Variants in TGM5 observed in about 807,000 individuals in gnomAD.
TGM5 encodes the protein transglutaminase 5, also known as protein-glutamine gamma-glutamyltransferase 5.
A neutral mutation model predicts 77.2 loss-of-function variants in TGM5; 69 were observed. The observed-to-expected ratio is 0.89, with a 90% CI of 0.74 to 1.09. TGM5 has a LOEUF of 1.09. Ranked by LOEUF, TGM5 falls within the 50% of genes least tolerant of loss-of-function variation. The pLI, the probability that TGM5 is intolerant of heterozygous loss-of-function variation, is 0.00. For missense variants in TGM5, 842 were observed against 896.5 expected, an observed-to-expected ratio of 0.94 and a Z score of 0.78; for synonymous variants, 346 against 351.8, an observed-to-expected ratio of 0.98 and a Z score of 0.18.
chr15:43,253,399 G>T, intron 5 of TGM5, 107 bp downstream of exon 5: 1 of 1,502,618 alleles, frequency 6.7e-7, no homozygotes, highest in Non-Finnish European at 9.1e-7. Flanking sequence ...CATCCAAGAT[G>T]GCTTTGCCAG....
intron 11 of TGM5, 93 bp downstream of exon 11, chr15:43,234,676 C>T: frequency 6.5e-7 from 1 of 1,533,296 alleles, no homozygotes; most frequent in Non-Finnish European, 9.0e-7. Flanking sequence ...GGATGCTCTC[C>T]TAAGCAGGCC....
At chr15:43,265,432 C>T (rs938919147) in intron 1 of TGM5, among the ~76,000 whole-genome samples, 3 of 152,340 alleles carry the variant, frequency 2.0e-5, no homozygotes, top group Admixed American at 6.5e-5. Flanking sequence ...GGGCACATGA[C>T]GCAGGCTACT....
At chr15:43,241,149 C>T in intron 6 of TGM5, 159 bp from the exon 7 acceptor site, 1 of 952,550 alleles carries the variant, frequency 1.0e-6, no homozygotes, top group Non-Finnish European at 1.6e-6. Context: ...TTCCAACTTC[C>T]TTCCCCACTT....
intron 1 of TGM5, among the ~76,000 whole-genome samples, chr15:43,266,379 G>A (rs1298235346): frequency 1.3e-5 from 2 of 152,184 alleles, no homozygotes; most frequent in East Asian, 3.8e-4. Context: ...ATCAGTAATA[G>A]ACCTTCTGAA....
intron 6 of TGM5, among the ~76,000 whole-genome samples, chr15:43,243,356 G>A (rs1300362839): frequency 6.6e-6 from 1 of 152,234 alleles, no homozygotes; most frequent in Non-Finnish European, 1.5e-5. Flanking sequence ...CTATCCTGAT[G>A]GTTGTGGGAT....
chr15:43,259,312 GA>G (rs901518074), intron 3 of TGM5, among the ~76,000 whole-genome samples: 88 of 141,318 alleles, frequency 6.2e-4, no homozygotes, highest in African/African-American at 1.6e-3. Flanking sequence ...AGAAGAAGAA[GA>G]AAAAAAAAAA....
chr15:43,256,165 T>C (rs940303107), intron 4 of TGM5, among the ~76,000 whole-genome samples: 1 of 152,174 alleles, frequency 6.6e-6, no homozygotes, highest in Non-Finnish European at 1.5e-5. Context: ...GAACTGATGC[T>C]AGGGGTCAGT....
intron 9 of TGM5, among the ~76,000 whole-genome samples, chr15:43,236,104 A>G (rs1298944406): frequency 6.6e-6 from 1 of 152,158 alleles, no homozygotes; most frequent in African/African-American, 2.4e-5. Flanking sequence ...AAAGAAAAGG[A>G]GGCTAATGGA....
At chr15:43,265,627 A>G (rs1477759655) in intron 1 of TGM5, among the ~76,000 whole-genome samples, 3 of 152,246 alleles carry the variant, frequency 2.0e-5, no homozygotes, top group Non-Finnish European at 4.4e-5. Context: ...TGAGAGGAGA[A>G]TGGGGTGAGA....
intron 1 of TGM5, among the ~76,000 whole-genome samples, chr15:43,262,209 C>T (rs1205086695): frequency 6.6e-6 from 1 of 152,226 alleles, no homozygotes. Context: ...GAGCTATACA[C>T]TTACCTGAAT....
chr15:43,263,362 T>C (rs1378458542), intron 1 of TGM5, among the ~76,000 whole-genome samples: 1 of 152,174 alleles, frequency 6.6e-6, no homozygotes, highest in Non-Finnish European at 1.5e-5. Flanking sequence ...CATATGGAAA[T>C]ACAAGGGATC....
At chr15:43,249,543 C>T (rs879398989) in intron 6 of TGM5, among the ~76,000 whole-genome samples, 4 of 152,170 alleles carry the variant, frequency 2.6e-5, no homozygotes, top group Non-Finnish European at 5.9e-5. Context: ...TCACAGCTGG[C>T]TTTTGGGGAG....
chr15:43,238,801 T>C lies in TGM5; in HGVS notation c.1345+16A>G, dbSNP rs1480511280. On this transcript the variant is annotated intron_variant, in intron 9 of 12. Coordinates refer to ENST00000220420, the MANE Select transcript of TGM5 (RefSeq NM_201631.4). ...GCAGGGCTGGGGCTCTGAGTAGGGC[T>C]GGCTTGCTTACTTACCTTCTTCATA... 5 of 1,613,640 alleles carry C rather than the reference T, an allele frequency of 3.1e-6. No individual in the cohort carries two copies. The highest frequency in any genetic ancestry group is 4.2e-6 in the Non-Finnish European group (5 of 1,179,850).
chr15:43,266,227 G>A (rs933216914), intron 1 of TGM5, among the ~76,000 whole-genome samples: 1 of 152,170 alleles, frequency 6.6e-6, no homozygotes, highest in Non-Finnish European at 1.5e-5. Flanking sequence ...ATAAATAAAG[G>A]TAAGGTTGTT....
intron 4 of TGM5, among the ~76,000 whole-genome samples, chr15:43,253,931 G>T (rs1044120491): frequency 2.0e-5 from 3 of 151,770 alleles, no homozygotes; most frequent in African/African-American, 7.3e-5. Context: ...GATTGAAAAG[G>T]CTCCTCCTCT....
At chr15:43,249,087 T>C (rs1034879777) in intron 6 of TGM5, among the ~76,000 whole-genome samples, 4 of 152,040 alleles carry the variant, frequency 2.6e-5, no homozygotes, top group African/African-American at 7.3e-5. Flanking sequence ...CCTGGGACCT[T>C]GGACCTTATT....
intron 9 of TGM5, among the ~76,000 whole-genome samples, chr15:43,238,144 C>T (rs75446309): frequency 0.018 from 2,785 of 152,310 alleles, 38 homozygotes; most frequent in Non-Finnish European, 0.029. Flanking sequence ...CCCTCCCCAC[C>T]GCCCTTCAGC....
At chr15:43,253,411 G>A (rs1196995147) in intron 5 of TGM5, 95 bp downstream of exon 5, 1 of 1,557,646 alleles carries the variant, frequency 6.4e-7, no homozygotes, top group Non-Finnish European at 8.7e-7. Context: ...CTTTGCCAGA[G>A]GGTCCCTCTT....
chr15:43,261,060 CT>C (rs199676346), intron 1 of TGM5, among the ~76,000 whole-genome samples: 23 of 90,620 alleles, frequency 2.5e-4, no homozygotes, highest in East Asian at 2.9e-4. Flanking sequence ...GCTGCTCTTC[CT>C]TTTTTTGTGT....
Sources: gnomAD v4.1 joint callset for allele counts (sites outside exome capture counted in the v4.1 genomes callset) on GRCh38, gnomAD v4.1.1 for gene constraint, MANE v1.5 for transcripts, NCBI Gene and HGNC (gene_info 2026-07-23, HGNC 2026-07-21) for gene names.